NCKAP1: variants seen among roughly 807,000 people sequenced by gnomAD.
The protein encoded by NCKAP1 is nck-associated protein 1.
A neutral mutation model predicts 151.2 loss-of-function variants in NCKAP1; 21 were observed. The observed-to-expected ratio is 0.14, with a 90% CI of 0.10 to 0.20. The LOEUF (loss-of-function observed/expected upper bound fraction) is 0.20. NCKAP1 is among the 10% of genes least tolerant of loss of function. NCKAP1 has a pLI of 1.00. For missense variants in NCKAP1, 933 were observed against 1,352.1 expected (o/e 0.69, Z 4.86); for synonymous variants, 484 against 451.8 (o/e 1.07, Z -0.90).
intron 3 of NCKAP1, 76 bp from the exon 4 acceptor site, chr2:183,003,106 A>G: frequency 1.5e-6 from 2 of 1,376,694 alleles, no homozygotes; most frequent in Non-Finnish European, 2.0e-6. Flanking sequence ...CAAATAAGGT[A>G]TGTGTTAAAC....
intron 15 of NCKAP1, among the ~76,000 whole-genome samples, chr2:182,972,247 A>AAAAAAAAAC (rs1697715067): frequency 1.1e-5 from 1 of 94,608 alleles, no homozygotes; most frequent in Non-Finnish European, 2.5e-5. Flanking sequence ...AAAAAAAAAC[A>AAAAAAAAAC]AAACTGATTT....
chr2:182,986,414 TA>T (rs371887376), intron 9 of NCKAP1, among the ~76,000 whole-genome samples, 187 bp from the exon 10 acceptor site: 27 of 147,524 alleles, frequency 1.8e-4, no homozygotes, highest in Admixed American at 4.1e-4. Context: ...CAAGCCTTCC[TA>T]AAAAAAAAAG....
At chr2:182,969,778 T>C (rs1158073294) in intron 15 of NCKAP1, among the ~76,000 whole-genome samples, 1 of 151,794 alleles carries the variant, frequency 6.6e-6, no homozygotes, top group Non-Finnish European at 1.5e-5. Context: ...CAGAAGGAGA[T>C]AAGTAATAAA....
intron 1 of NCKAP1, among the ~76,000 whole-genome samples, chr2:183,030,702 G>C (rs1698989495): frequency 6.6e-6 from 1 of 152,176 alleles, no homozygotes; most frequent in Non-Finnish European, 1.5e-5. Flanking sequence ...TCAACAAATT[G>C]AAATTAATAC....
At position 182,914,653 on chromosome 2, in the gene NCKAP1, A is replaced by C. The variant is rs187030400; in HGVS notation, c.*11049T>G. ...TCCCTTTAAAACTTAAGTCACTTAG[A>C]ATGACATGAGGGGTTCTATTACTAA... On this transcript the variant is annotated 3_prime_UTR_variant, in exon 31 of 31. Transcript: ENST00000361354. The C allele has an allele frequency of 6.6e-6, 1 of 152,286 alleles. No individual in the cohort carries two copies. The highest frequency in any genetic ancestry group is 1.9e-4 in the East Asian group (1 of 5,182). The allele number at this position is 152,286 out of a possible 1,614,324, so 9.4% of individuals were successfully genotyped here.
intron 18 of NCKAP1, among the ~76,000 whole-genome samples, chr2:182,958,403 CAAAGTGCTGGG>C (rs2105828513): frequency 6.6e-6 from 1 of 152,268 alleles, no homozygotes; most frequent in African/African-American, 2.4e-5. Context: ...CTCGGCCTCC[CAAAGTGCTGGG>C]ATTACAAGCG....
At chr2:182,977,525 C>A (rs998677603) in intron 14 of NCKAP1, among the ~76,000 whole-genome samples, 2 of 151,996 alleles carry the variant, frequency 1.3e-5, no homozygotes, top group Non-Finnish European at 2.9e-5. Context: ...CACTATTATT[C>A]TGCTAAAAAA....
chr2:183,006,187 T>C (rs1380843577), intron 2 of NCKAP1, among the ~76,000 whole-genome samples: 1 of 152,216 alleles, frequency 6.6e-6, no homozygotes, highest in Admixed American at 6.5e-5. Context: ...TGGTAGGTGA[T>C]GCTAGAAAGC....
rs978293705 is a variant in NCKAP1, at chr2:182,916,948, G to C, written c.*8754C>G. ...ACACACAAATGTTACATTTGCATGA[G>C]TGGAAGTTCTGATATTATAATACTC... is the stretch of plus-strand genomic sequence containing the variant. On this transcript the variant is annotated 3_prime_UTR_variant, in exon 31 of 31. Transcript: ENST00000361354. 6.6e-5 allele frequency: 10 copies of C among 152,224 alleles called. No homozygotes were observed. The South Asian group carries it at 8.3e-4, about 13-fold the overall frequency. The allele number at this position is 152,224 out of a possible 1,614,324, so 9.4% of individuals were successfully genotyped here.
intron 2 of NCKAP1, among the ~76,000 whole-genome samples, chr2:183,006,841 G>GA (rs1362418897): frequency 6.6e-6 from 1 of 152,132 alleles, no homozygotes; most frequent in Non-Finnish European, 1.5e-5. Context: ...ACTACTGTGA[G>GA]AAAAAATTGA....
intron 1 of NCKAP1, among the ~76,000 whole-genome samples, chr2:183,026,708 T>C (rs1440174591): frequency 6.6e-6 from 1 of 152,126 alleles, no homozygotes; most frequent in Non-Finnish European, 1.5e-5. Context: ...TATTACAAAA[T>C]ATCTCCTAAC....
chr2:182,952,354 G>T, intron 23 of NCKAP1, 51 bp downstream of exon 23: 1 of 1,203,034 alleles, frequency 8.3e-7, no homozygotes, highest in Non-Finnish European at 1.2e-6. Context: ...TCCCTGAAAT[G>T]TTTTTCAGGA....
Position 182,925,714 on chromosome 2 carries a change from T to C in NCKAP1, c.3375A>G (p.Thr1125=). ...AYHAVYKQSV[T]SSA ...TAAGTAGGTAATTTTATGCAGAAGATGTAACACTTTGTTTGTAGACAGCAT... is the reference window on the plus strand; with the variant it reads ...TAAGTAGGTAATTTTATGCAGAAGACGTAACACTTTGTTTGTAGACAGCAT... Residue 1125 remains threonine, a synonymous_variant, in exon 31 of 31, where the codon ACA becomes ACG. Transcript: ENST00000361354. 6.4e-7 allele frequency: 1 copy of C among 1,554,828 alleles called. No homozygotes were observed. The highest frequency in any genetic ancestry group is 8.7e-7 in the Non-Finnish European group (1 of 1,151,670).
At chr2:182,944,261 C>T (rs1697054199) in intron 23 of NCKAP1, among the ~76,000 whole-genome samples, 1 of 151,804 alleles carries the variant, frequency 6.6e-6, no homozygotes, top group African/African-American at 2.4e-5. Context: ...TTAGACAAAG[C>T]AAGTGAAATA....
intron 18 of NCKAP1, among the ~76,000 whole-genome samples, chr2:182,960,503 T>C (rs1257047069): frequency 1.3e-5 from 2 of 152,180 alleles, no homozygotes; most frequent in Non-Finnish European, 2.9e-5. Context: ...ATTTAATAAA[T>C]GGTGCTGGGA....
In NCKAP1 at chr2:182,953,350, A is replaced by T. The variant is rs779735435; in HGVS notation, c.2154-19T>A. ...AATTGACCTGGGAAGAAGGGATAGAAGAATAAGAAAAGCCTCTGACTTTTC... is the reference window on the plus strand; with the variant it reads ...AATTGACCTGGGAAGAAGGGATAGATGAATAAGAAAAGCCTCTGACTTTTC... On this transcript the variant is annotated intron_variant, in intron 20 of 30. Transcript: ENST00000361354. The T allele has an allele frequency of 6.4e-7, 1 of 1,559,348 alleles. No individual in the cohort carries two copies. The highest frequency in any genetic ancestry group is 1.8e-5 in the Admixed American group (1 of 55,360).
chr2:182,919,222 G>A lies in NCKAP1; in HGVS notation c.*6480C>T, dbSNP rs1397205689. ...GTTAAGGTCAAATTTTCCCCTCCTA[G>A]CCATCACAAGTTCTGCCATCTGGGC... On this transcript the variant is annotated 3_prime_UTR_variant, in exon 31 of 31. Coordinates refer to ENST00000361354, the MANE Select transcript of NCKAP1 (RefSeq NM_013436.5). The A allele has an allele frequency of 6.6e-6, 1 of 152,164 alleles. No individual in the cohort carries two copies. Among genetic ancestry groups the A allele is most frequent in the African/African-American group, 2.4e-5 (1 of 41,430 alleles). 9.4% of individuals were successfully genotyped at this position (152,164 alleles called of 1,614,324 possible).
At chr2:182,956,413 A>G (rs760690548) in intron 20 of NCKAP1, 49 bp downstream of exon 20, 49 of 1,564,344 alleles carry the variant, frequency 3.1e-5, no homozygotes, top group South Asian at 3.5e-5. Flanking sequence ...ATTAAATAAC[A>G]AACTCATTAC....
At chr2:183,001,470 ATAATAAAGTTAAAATT>A (rs1698372552) in intron 6 of NCKAP1, among the ~76,000 whole-genome samples, 1 of 152,232 alleles carries the variant, frequency 6.6e-6, no homozygotes, top group Non-Finnish European at 1.5e-5. Flanking sequence ...TTTTGAGACT[ATAATAAAGTTAAAATT>A]TATCAAACAC....
Sources: allele counts gnomAD v4.1 joint callset (sites outside exome capture counted in the v4.1 genomes callset), GRCh38; gene constraint gnomAD v4.1.1; transcripts MANE v1.5; gene names NCBI Gene and HGNC (gene_info 2026-07-23, HGNC 2026-07-21).